DBP: variants seen among roughly 807,000 people sequenced by gnomAD.
The protein encoded by DBP is D site-binding protein.
Under a neutral mutation model 21.4 loss-of-function variants are expected in DBP, and 12 were observed. The ratio of observed to expected loss-of-function variants is 0.56; its 90% CI spans 0.36 to 0.91. The LOEUF (loss-of-function observed/expected upper bound fraction) is 0.91. DBP is among the 40% of genes least tolerant of loss of function. DBP has a pLI of 0.01. For synonymous variants in DBP, 213 were observed against 224.9 expected, an observed-to-expected ratio of 0.95 and a Z score of 0.47; for missense variants, 423 against 473.4, an observed-to-expected ratio of 0.89 and a Z score of 0.99.
chr19:48,635,599 G>T lies in DBP; in HGVS notation c.531C>A (p.Thr177=), dbSNP rs1028852911. 1.5e-5 allele frequency: 21 copies of T among 1,359,562 alleles called. No homozygotes were observed. Among genetic ancestry groups the T allele is most frequent in the Non-Finnish European group, 1.8e-5 (19 of 1,066,462 alleles). The allele number at this position is 1,359,562 out of a possible 1,614,324, so 84.2% of individuals were successfully genotyped here. A position where few individuals can be genotyped will look rare whatever the true frequency, so the allele number is the denominator to read the frequency against. Residue 177 remains threonine (T), a synonymous_variant, in exon 2 of 4, where the codon ACC becomes ACA. Transcript: ENST00000222122. ...GHAPARAALG[T]ASGHRAGLTS... is the part of the protein sequence containing the mutation. ...CCGCACCTGCGCGGTGGCCGCTGGCGGTCCCGAGGGCAGCCCGGGCGGGGG... is the reference window on the plus strand; with the variant it reads ...CCGCACCTGCGCGGTGGCCGCTGGCTGTCCCGAGGGCAGCCCGGGCGGGGG...
chr19:48,633,216 G>A (rs570781735), intron 3 of DBP: 11 of 618,142 alleles, frequency 1.8e-5, no homozygotes, highest in Non-Finnish European at 3.2e-5. Context: ...TAAAATGCTG[G>A]GATTACACGA....
chr19:48,635,658 C>A lies in DBP; in HGVS notation c.472G>T (p.Gly158Cys), dbSNP rs948445742. 1 of 1,313,622 alleles carries A rather than the reference C, an allele frequency of 7.6e-7. No individual in the cohort carries two copies. Among genetic ancestry groups the A allele is most frequent in the South Asian group, 2.2e-5 (1 of 45,550 alleles). 81.4% of individuals were successfully genotyped at this position (1,313,622 alleles called of 1,614,324 possible). The change falls in exon 2 of 4, where the codon GGC (glycine) becomes TGC (cysteine). Residue 158 changes from glycine to cysteine, a missense_variant. Gly to Cys is a radical substitution (Grantham distance 159). Transcript: ENST00000222122. The stretch of plus-strand genomic sequence containing the variant: ...GGAGAGGAGCGGGGGGAAGCCGAGC[C>A]GCACGAACCCGGCCCTGGGGAGGGT... ...PAPSPGPGSCGSASPRSSPGH... is the reference protein window; with the variant it reads ...PAPSPGPGSCCSASPRSSPGH...
chr19:48,633,585 G>T lies in DBP; in HGVS notation c.621C>A (p.Pro207=). The stretch of plus-strand genomic sequence containing the variant: ...TTGATAGGGCAAGATCAGCTGGGTC[G>T]GGTTCAAAGGTCATCAACACCTCCA... ...DTVEVLMTFE[P]DPADLALSSI... is the part of the protein sequence containing the mutation. Residue 207 remains proline (P), a synonymous_variant, in exon 3 of 4, where the codon CCC becomes CCA. Transcript: ENST00000222122. The T allele has an allele frequency of 6.2e-7, 1 of 1,614,162 alleles. No individual in the cohort carries two copies. Among genetic ancestry groups the T allele is most frequent in the Non-Finnish European group, 8.5e-7 (1 of 1,180,034 alleles).
chr19:48,633,761 T>C, intron 2 of DBP, 106 bp from the exon 3 acceptor site: 1 of 975,216 alleles, frequency 1.0e-6, no homozygotes, highest in South Asian at 1.4e-5. Flanking sequence ...CCTTCTGGGA[T>C]CTAGCATAAA....
In DBP at chr19:48,637,183, A is replaced by G. The variant is rs2147714246; in HGVS notation, c.-189T>C. 3.9e-6 allele frequency: 2 copies of G among 511,436 alleles called. No homozygotes were observed. Among genetic ancestry groups the G allele is most frequent in the Admixed American group, 7.5e-5 (2 of 26,526 alleles). The allele number at this position is 511,436 out of a possible 1,614,324, so 31.7% of individuals were successfully genotyped here. Reference sequence around the variant, plus strand: ...GGGGATTTGAGGTCCTCGGTGCAGAAACGTGCAACTCAAGAGGGTCCCGGG... The same window carrying G: ...GGGGATTTGAGGTCCTCGGTGCAGAGACGTGCAACTCAAGAGGGTCCCGGG... On this transcript the variant is annotated 5_prime_UTR_variant, in exon 1 of 4. Coordinates refer to ENST00000222122, the MANE Select transcript of DBP (RefSeq NM_001352.5).
chr19:48,634,536 TA>T, intron 2 of DBP: 1 of 267,812 alleles, frequency 3.7e-6, no homozygotes, highest in Non-Finnish European at 5.8e-6. Context: ...CGGGGCCAGC[TA>T]AGGACACAGG....
rs768047348 is a variant in DBP, at chr19:48,630,724, C to T, written c.*113G>A. On this transcript the variant is annotated 3_prime_UTR_variant, in exon 4 of 4. Coordinates refer to ENST00000222122, the MANE Select transcript of DBP (RefSeq NM_001352.5). The surrounding 1 kb of genome is among the most constrained non-coding windows in gnomAD (Gnocchi z 4.9). ...ATAAATGTATTTATCTGCATTATCA[C>T]GTCCCTGGGGCACCCAGCTGGCCGG... 45 of 1,414,870 alleles carry T rather than the reference C, an allele frequency of 3.2e-5. No individual in the cohort carries two copies. Among genetic ancestry groups the T allele is most frequent in the South Asian group, 1.2e-4 (9 of 72,936 alleles). The allele number at this position is 1,414,870 out of a possible 1,614,324, so 87.6% of individuals were successfully genotyped here. A position where few individuals can be genotyped will look rare whatever the true frequency, so the allele number is the denominator to read the frequency against.
chr19:48,635,745 G>A lies in DBP; in HGVS notation c.385C>T (p.Pro129Ser), dbSNP rs2030764971. The change falls in exon 2 of 4, where the codon CCG becomes TCG. Residue 129 changes from proline to serine, a missense_variant. Around this residue, in one of 4 missense-constraint regions of DBP, gnomAD observed 283 missense variants for 273.7 expected, o/e 1.03. Transcript: ENST00000222122. ...LDAFLLEHGLPPSPPPPGGPS... is the reference protein window; with the variant it reads ...LDAFLLEHGLSPSPPPPGGPS... ...CCACCGGGGGGCGGCGGGCTGGGCGGGAGCCCGTGCTCCAGCAGGAAGGCG... is the reference window on the plus strand; with the variant it reads ...CCACCGGGGGGCGGCGGGCTGGGCGAGAGCCCGTGCTCCAGCAGGAAGGCG... The A allele has an allele frequency of 2.9e-6, 4 of 1,376,838 alleles. No homozygotes were observed. Among genetic ancestry groups the A allele is most frequent in the South Asian group, 1.7e-5 (1 of 59,206 alleles). 85.3% of individuals were successfully genotyped at this position (1,376,838 alleles called of 1,614,324 possible).
In DBP at chr19:48,636,979, T is replaced by A; in HGVS notation, c.16A>T (p.Ser6Cys). The change falls in exon 1 of 4, where the codon AGC (serine) becomes TGC (cysteine). Residue 6 changes from serine (S) to cysteine (C), a missense_variant. Physicochemically the swap from Ser to Cys is moderately radical, Grantham distance 112 (BLOSUM62 -1). Transcript: ENST00000222122. The stretch of plus-strand genomic sequence containing the variant: ...AGCAGAGGGGCCGGGGTCCTGTCGC[T>A]CACAGGCCGCGCCATCGCCTGGCAC... MARPV[S>C]DRTPAPLLLG... is the part of the protein sequence containing the mutation. The A allele has an allele frequency of 6.6e-7, 1 of 1,508,244 alleles. No individual in the cohort carries two copies. The highest frequency in any genetic ancestry group is 8.8e-7 in the Non-Finnish European group (1 of 1,131,512). The allele number at this position is 1,508,244 out of a possible 1,614,324, so 93.4% of individuals were successfully genotyped here.
rs1168167352 is a variant in DBP, at chr19:48,630,752, C to T, written c.*85G>A. ...CCCTGGGGCACCCAGCTGGCCGGCC[C>T]GTGGGCCACAGGGCAGGAAGGGAAC... On this transcript the variant is annotated 3_prime_UTR_variant, in exon 4 of 4. Coordinates refer to ENST00000222122, the MANE Select transcript of DBP (RefSeq NM_001352.5). This position sits in a 1 kb window ranked among gnomAD's most constrained non-coding sequence, Gnocchi z 4.9. The T allele has an allele frequency of 4.1e-6, 6 of 1,462,408 alleles. No homozygotes were observed. Among genetic ancestry groups the T allele is most frequent in the Admixed American group, 2.3e-5 (1 of 43,850 alleles). 90.6% of individuals were successfully genotyped at this position (1,462,408 alleles called of 1,614,324 possible). A position where few individuals can be genotyped will look rare whatever the true frequency, so the allele number is the denominator to read the frequency against.
chr19:48,634,672 G>A (rs1235622337), intron 2 of DBP: 1 of 984,896 alleles, frequency 1.0e-6, no homozygotes, highest in Non-Finnish European at 1.2e-6. Context: ...CCTGCGCGAA[G>A]CGCGGAGGAG....
At chr19:48,635,218 G>C in intron 2 of DBP, 1 of 1,120,116 alleles carries the variant, frequency 8.9e-7, no homozygotes, top group Non-Finnish European at 1.1e-6. Context: ...TCGATTATGG[G>C]CCCAGATTCG....
chr19:48,635,829 C>G lies in DBP; in HGVS notation c.301G>C (p.Ala101Pro). 7.0e-7 allele frequency: 1 copy of G among 1,423,670 alleles called. No homozygotes were observed. The highest frequency in any genetic ancestry group is 9.1e-7 in the Non-Finnish European group (1 of 1,097,958). The allele number at this position is 1,423,670 out of a possible 1,614,324, so 88.2% of individuals were successfully genotyped here. ...AGCGTGCGCTCCCACAGCAGTGGCG[C>G]CAACAGACCCGGGGCGGGCACCGGC... ...PGPVPAPGLL[A>P]PLLWERTLPF... Residue 101 changes from alanine to proline, a missense_variant, in exon 2 of 4, where the codon GCG (alanine) becomes CCG (proline). Physicochemically the swap from Ala to Pro is conservative, Grantham distance 27. This residue lies in a region of DBP where 283 missense variants were observed against 273.7 expected (regional missense o/e 1.03). Transcript: ENST00000222122.
At chr19:48,636,697 T>C (rs1487395510) in intron 1 of DBP, among the ~76,000 whole-genome samples, 159 bp downstream of exon 1, 1 of 151,898 alleles carries the variant, frequency 6.6e-6, no homozygotes. Context: ...TCCTGGGCGC[T>C]AAGGGATCTA....
chr19:48,630,642 C>CA lies in DBP; in HGVS notation c.*194dup. On this transcript the variant is annotated 3_prime_UTR_variant, in exon 4 of 4. Coordinates refer to ENST00000222122, the MANE Select transcript of DBP (RefSeq NM_001352.5). The surrounding 1 kb of genome is among the most constrained non-coding windows in gnomAD (Gnocchi z 4.9). ...GTCCCTGACGTGCCGGGGACACACA[C>CA]AGAGAACCCTCCCCGCCCCCGCAAG... 1 of 1,484,692 alleles carries CA rather than the reference C, an allele frequency of 6.7e-7. No individual in the cohort carries two copies. The highest frequency in any genetic ancestry group is 1.3e-5 in the South Asian group (1 of 77,512). The allele number at this position is 1,484,692 out of a possible 1,614,324, so 92.0% of individuals were successfully genotyped here. A position where few individuals can be genotyped will look rare whatever the true frequency, so the allele number is the denominator to read the frequency against.
At position 48,630,456 on chromosome 19, in the gene DBP, A is replaced by G. The variant is rs143249693; in HGVS notation, c.*381T>C. On this transcript the variant is annotated 3_prime_UTR_variant, in exon 4 of 4. Coordinates refer to ENST00000222122, the MANE Select transcript of DBP (RefSeq NM_001352.5). This position sits in a 1 kb window ranked among gnomAD's most constrained non-coding sequence, Gnocchi z 4.9. ...CAGCCCGCGGGAGGACTCAGACTCC[A>G]GCACTTCCAGCAGCGCCTGCCCTCT... The G allele has an allele frequency of 1.9e-5, 28 of 1,464,416 alleles. No individual in the cohort carries two copies. The African/African-American group carries it at 3.6e-4, about 19-fold the overall frequency. The allele number at this position is 1,464,416 out of a possible 1,614,324, so 90.7% of individuals were successfully genotyped here.
chr19:48,630,187 C>T lies in DBP; in HGVS notation c.*650G>A, dbSNP rs890044921. The T allele has an allele frequency of 5.6e-6, 7 of 1,253,914 alleles. No individual in the cohort carries two copies. In the East Asian group the frequency reaches 1.9e-4, roughly 34 times the overall value. The allele number at this position is 1,253,914 out of a possible 1,614,324, so 77.7% of individuals were successfully genotyped here. On this transcript the variant is annotated 3_prime_UTR_variant, in exon 4 of 4. Transcript: ENST00000222122. The surrounding 1 kb of genome is among the most constrained non-coding windows in gnomAD (Gnocchi z 4.9). Reference sequence around the variant, plus strand: ...GTCGGCCGGTCAGGGCCCGCAGCCTCGCCCCATCCACTCCGGTGCCTCCAT... The same window carrying T: ...GTCGGCCGGTCAGGGCCCGCAGCCTTGCCCCATCCACTCCGGTGCCTCCAT...
chr19:48,636,674 C>T (rs2030814726), intron 1 of DBP, among the ~76,000 whole-genome samples, 182 bp downstream of exon 1: 1 of 151,724 alleles, frequency 6.6e-6, no homozygotes, highest in African/African-American at 2.4e-5. Flanking sequence ...GCTTCAGAGC[C>T]GGCGCTTTTG....
chr19:48,630,317 C>T lies in DBP; in HGVS notation c.*520G>A. The T allele has an allele frequency of 7.7e-7, 1 of 1,302,752 alleles. No homozygotes were observed. Among genetic ancestry groups the T allele is most frequent in the Non-Finnish European group, 9.7e-7 (1 of 1,026,694 alleles). The allele number at this position is 1,302,752 out of a possible 1,614,324, so 80.7% of individuals were successfully genotyped here. On this transcript the variant is annotated 3_prime_UTR_variant, in exon 4 of 4. Transcript: ENST00000222122. The surrounding 1 kb of genome is among the most constrained non-coding windows in gnomAD (Gnocchi z 4.9). ...GGTGGGGGCGGGGAAATTCATATCC[C>T]CTGTTCGTCTCATGCGCGTCCTCCG...
Sources: allele counts gnomAD v4.1 joint callset (sites outside exome capture counted in the v4.1 genomes callset), GRCh38; gene constraint gnomAD v4.1.1; regional missense constraint gnomAD v4.1.1; non-coding constraint Gnocchi (gnomAD v3.1); transcripts MANE v1.5; gene names NCBI Gene and HGNC (gene_info 2026-07-23, HGNC 2026-07-21).